The following RALA variants were observed in gnomAD, a reference collection of about 807,000 sequenced individuals.
The protein encoded by RALA is ras-related protein Ral-A.
Under a neutral mutation model 24.0 loss-of-function variants are expected in RALA, and 5 were observed. The observed-to-expected ratio is 0.21, with a 90% CI of 0.11 to 0.44. RALA has a LOEUF of 0.44. RALA is among the 20% of genes least tolerant of loss of function. RALA has a pLI of 0.99. For synonymous variants in RALA, 77 were observed against 83.8 expected (o/e 0.92, Z 0.44); for missense variants, 95 against 241.2 (o/e 0.39, Z 4.01).
chr7:39,663,500 C>T (rs1320697287), intron 1 of RALA, among the ~76,000 whole-genome samples: 1 of 151,812 alleles, frequency 6.6e-6, no homozygotes, highest in African/African-American at 2.4e-5. Flanking sequence ...TGGAAGTGCT[C>T]CCAAGAAGCA....
chr7:39,639,456 G>T (rs758010419), intron 1 of RALA, among the ~76,000 whole-genome samples: 2 of 152,148 alleles, frequency 1.3e-5, no homozygotes, highest in Non-Finnish European at 2.9e-5. Flanking sequence ...ATGAGAGGCT[G>T]AAATAGGAGG....
At chr7:39,644,675 G>A (rs1791894752) in intron 1 of RALA, among the ~76,000 whole-genome samples, 1 of 152,008 alleles carries the variant, frequency 6.6e-6, no homozygotes, top group African/African-American at 2.4e-5. Context: ...ACAGAGTACT[G>A]CCCTTTATTC....
chr7:39,696,877 A>G lies in RALA; in HGVS notation c.498+18A>G, dbSNP rs760671186. 1 of 1,594,150 alleles carries G rather than the reference A, an allele frequency of 6.3e-7. No homozygotes were observed. Among genetic ancestry groups the G allele is most frequent in the East Asian group, 2.2e-5 (1 of 44,674 alleles). On this transcript the variant is annotated intron_variant, in intron 4 of 4. Coordinates refer to ENST00000005257, the MANE Select transcript of RALA (RefSeq NM_005402.4). ...TTGACAAGGTAACACGTGACTCTTT[A>G]CTACTGCATCATGTTAAAATAGGTT...
intron 1 of RALA, among the ~76,000 whole-genome samples, chr7:39,671,372 A>G (rs1030532058): frequency 1.3e-5 from 2 of 152,102 alleles, no homozygotes; most frequent in African/African-American, 2.4e-5. Flanking sequence ...TGTTTTAGAA[A>G]TTTTTTATAA....
intron 1 of RALA, among the ~76,000 whole-genome samples, chr7:39,686,068 T>C (rs1471440150): frequency 6.6e-6 from 1 of 152,064 alleles, no homozygotes; most frequent in Non-Finnish European, 1.5e-5. Context: ...TAGCCAAGCA[T>C]GGTGGTGCGC....
At chr7:39,665,497 G>A (rs1792269696) in intron 1 of RALA, among the ~76,000 whole-genome samples, 2 of 152,092 alleles carry the variant, frequency 1.3e-5, no homozygotes, top group Non-Finnish European at 2.9e-5. Flanking sequence ...GTGGGGTTGG[G>A]GGAGTTGGTT....
chr7:39,662,224 C>T (rs951889599), intron 1 of RALA, among the ~76,000 whole-genome samples: 2 of 128,158 alleles, frequency 1.6e-5, no homozygotes, highest in Non-Finnish European at 3.6e-5. Context: ...AGGTCTCTGA[C>T]ATACCCTGGA....
intron 1 of RALA, among the ~76,000 whole-genome samples, chr7:39,666,397 C>T (rs906953336): frequency 1.3e-5 from 2 of 152,080 alleles, no homozygotes; most frequent in African/African-American, 2.4e-5. Flanking sequence ...TAGGATTAGG[C>T]GTATTCAACA....
chr7:39,646,394 G>A (rs1249134491), intron 1 of RALA, among the ~76,000 whole-genome samples: 1 of 152,172 alleles, frequency 6.6e-6, no homozygotes, highest in African/African-American at 2.4e-5. Flanking sequence ...TAGCACTTTG[G>A]GAGTCTAAGG....
chr7:39,654,736 T>C (rs1792069810), intron 1 of RALA, among the ~76,000 whole-genome samples: 1 of 152,142 alleles, frequency 6.6e-6, no homozygotes, highest in African/African-American at 2.4e-5. Context: ...TATGTGAATC[T>C]AAATTTTTGT....
chr7:39,703,652 A>C (rs76621961), intron 4 of RALA, among the ~76,000 whole-genome samples: 1,591 of 152,330 alleles, frequency 0.01, 25 homozygotes, highest in African/African-American at 0.036. Flanking sequence ...TTTTTCAGTG[A>C]ATAGTTCTAG....
intron 1 of RALA, among the ~76,000 whole-genome samples, chr7:39,667,243 G>T (rs1277459093): frequency 6.6e-6 from 1 of 152,128 alleles, no homozygotes; most frequent in African/African-American, 2.4e-5. Context: ...ATATTTTGGG[G>T]TTCCAAATCA....
intron 1 of RALA, among the ~76,000 whole-genome samples, chr7:39,663,355 T>C (rs1398560816): frequency 6.6e-6 from 1 of 152,214 alleles, no homozygotes; most frequent in Admixed American, 6.5e-5. Context: ...ATGTTGCAAA[T>C]ACCTACTTCA....
At chr7:39,682,729 G>A (rs1452377138) in intron 1 of RALA, among the ~76,000 whole-genome samples, 2 of 152,066 alleles carry the variant, frequency 1.3e-5, no homozygotes, top group African/African-American at 2.4e-5. Flanking sequence ...TGCAACCTCC[G>A]CCTCCTGAGT....
rs200844260 is a variant in RALA at position 39,663,599 on chromosome 7, AGAT to A, written c.-37-23029_-37-23027del. ...TCAGCTGTGATTGCCCATCATTTCA[AGAT>A]GAATGAATCCAGAGTAAGGGACATT... On this transcript the variant is annotated intron_variant, in intron 1 of 4. Transcript: ENST00000005257. Among the ~76,000 whole-genome samples the A allele has an allele frequency of 9.4e-3, 1,430 of 152,158 alleles. 6 individuals are homozygous for A. The highest frequency in any genetic ancestry group is 0.015 in the Non-Finnish European group (1,016 of 67,976).
intron 4 of RALA, chr7:39,697,497 C>T (rs1792942749): frequency 2.2e-6 from 1 of 456,178 alleles, no homozygotes; most frequent in Non-Finnish European, 4.4e-6. Context: ...AGAAAGACTG[C>T]TCACTGGGCT....
intron 4 of RALA, among the ~76,000 whole-genome samples, chr7:39,697,971 G>GTGTGTGTGTGTGTGTGTA (rs147264246): frequency 6.7e-6 from 1 of 149,346 alleles, no homozygotes; most frequent in Non-Finnish European, 1.5e-5. Context: ...GTGTGTGTGT[G>GTGTGTGTGTGTGTGTGTA]TGTATGTGTG....
At chr7:39,633,051 CT>C (rs1222691123) in intron 1 of RALA, among the ~76,000 whole-genome samples, 1 of 152,182 alleles carries the variant, frequency 6.6e-6, no homozygotes, top group Non-Finnish European at 1.5e-5. Flanking sequence ...GGGTGACCTC[CT>C]TTTCCCTTCT....
chr7:39,664,833 A>T (rs1792256290), intron 1 of RALA, among the ~76,000 whole-genome samples: 1 of 152,044 alleles, frequency 6.6e-6, no homozygotes, highest in East Asian at 1.9e-4. Flanking sequence ...GGGAGGGGGA[A>T]CAAAAGTCTG....
Sources: gnomAD v4.1 joint callset for allele counts (sites outside exome capture counted in the v4.1 genomes callset) on GRCh38, gnomAD v4.1.1 for gene constraint, MANE v1.5 for transcripts, NCBI Gene and HGNC (gene_info 2026-07-23, HGNC 2026-07-21) for gene names.